The following ASAP3 variants were observed in gnomAD, a reference collection of about 807,000 sequenced individuals.
The protein encoded by ASAP3 is arf-GAP with SH3 domain, ANK repeat and PH domain-containing protein 3.
In ASAP3, 85 loss-of-function variants were observed where a neutral mutation model predicts 118.2. The ratio of observed to expected loss-of-function variants is 0.72; its 90% confidence interval spans 0.60 to 0.86. The LOEUF (loss-of-function observed/expected upper bound fraction) is 0.86. ASAP3 is among the 40% of genes least tolerant of loss of function. The probability of loss-of-function intolerance (pLI) is 0.00; values close to 1 mark genes in which losing one functional copy is unlikely to be tolerated. For synonymous variants in ASAP3, 432 were observed against 477.4 expected, an observed-to-expected ratio of 0.90 and a Z score of 1.24; for missense variants, 1,026 against 1,175.0, an observed-to-expected ratio of 0.87 and a Z score of 1.85.
At chr1:23,464,179 CAA>C (rs538178084) in intron 1 of ASAP3, among the ~76,000 whole-genome samples, 5,404 of 139,834 alleles carry the variant, frequency 0.039, 135 homozygotes, top group Middle Eastern at 0.15. Context: ...CGATCTATAC[CAA>C]AAAAAAAAAA....
intron 1 of ASAP3, among the ~76,000 whole-genome samples, chr1:23,463,522 A>T (rs112803004): frequency 0.024 from 3,593 of 152,340 alleles, 57 homozygotes; most frequent in Non-Finnish European, 0.032. Context: ...TAGCCCCAGC[A>T]TCTCCAAAAT....
intron 5 of ASAP3, among the ~76,000 whole-genome samples, chr1:23,447,934 A>C (rs1363627799): frequency 6.6e-6 from 1 of 152,184 alleles, no homozygotes; most frequent in Non-Finnish European, 1.5e-5. Context: ...TTTTCCCTAC[A>C]AAGTCTGACA....
intron 1 of ASAP3, among the ~76,000 whole-genome samples, chr1:23,473,810 G>A (rs561520167): frequency 6.6e-6 from 1 of 151,988 alleles, no homozygotes; most frequent in East Asian, 1.9e-4. Context: ...GAGGAGGCTG[G>A]TTCAGTGGAG....
At chr1:23,475,849 C>G (rs939148123) in intron 1 of ASAP3, among the ~76,000 whole-genome samples, 3 of 152,134 alleles carry the variant, frequency 2.0e-5, no homozygotes, top group African/African-American at 7.2e-5. Flanking sequence ...TGGCATGTGC[C>G]TGTGGAAGCA....
chr1:23,474,279 A>G (rs1469167189), intron 1 of ASAP3, among the ~76,000 whole-genome samples: 4 of 152,140 alleles, frequency 2.6e-5, no homozygotes, highest in East Asian at 1.9e-4. Flanking sequence ...AAGGTTCCCA[A>G]TGACCTCCGT....
chr1:23,466,358 G>C (rs547291627), intron 1 of ASAP3, among the ~76,000 whole-genome samples: 1 of 152,344 alleles, frequency 6.6e-6, no homozygotes, highest in South Asian at 2.1e-4. Context: ...GCAAGAGCCT[G>C]GCAGGCACTG....
intron 1 of ASAP3, among the ~76,000 whole-genome samples, chr1:23,474,124 T>C (rs1454973751): frequency 6.6e-6 from 1 of 151,686 alleles, no homozygotes; most frequent in Non-Finnish European, 1.5e-5. Flanking sequence ...CCTGCCACCA[T>C]GGCTGGCTAA....
At position 23,437,574 on chromosome 1, in the gene ASAP3, T is replaced by G; in HGVS notation, c.1103-102A>C. 1 of 1,412,120 alleles carries G rather than the reference T, an allele frequency of 7.1e-7. No individual in the cohort carries two copies. 87.5% of individuals were successfully genotyped at this position (1,412,120 alleles called of 1,614,324 possible). A position where few individuals can be genotyped will look rare whatever the true frequency, so the allele number is the denominator to read the frequency against. Reference sequence around the variant, plus strand: ...GCCGCTGGGGCCACATGGAGATGTGTCCCTGACAAGTCGGACTCTCAAGCT... The same window carrying G: ...GCCGCTGGGGCCACATGGAGATGTGGCCCTGACAAGTCGGACTCTCAAGCT... On this transcript the variant is annotated intron_variant, in intron 12 of 24. Transcript: ENST00000336689. The surrounding 1 kb of genome is among the most constrained non-coding windows in gnomAD (Gnocchi z 6.1).
intron 1 of ASAP3, 23 bp downstream of exon 1, chr1:23,483,982 C>A: frequency 7.9e-7 from 1 of 1,272,816 alleles, no homozygotes; most frequent in Non-Finnish European, 9.9e-7. Context: ...GACCCCCGAC[C>A]CCTCCCGCCT....
chr1:23,465,063 C>A (rs1308051221), intron 1 of ASAP3, among the ~76,000 whole-genome samples: 1 of 152,270 alleles, frequency 6.6e-6, no homozygotes, highest in South Asian at 2.1e-4. Flanking sequence ...GATAATATTG[C>A]GTACCACATA....
chr1:23,473,080 C>T (rs1176533273), intron 1 of ASAP3, among the ~76,000 whole-genome samples: 4 of 152,124 alleles, frequency 2.6e-5, no homozygotes, highest in Non-Finnish European at 5.9e-5. Flanking sequence ...TAGTTCTCTC[C>T]GTGCCCTCAG....
At chr1:23,465,916 C>T (rs1324526721) in intron 1 of ASAP3, among the ~76,000 whole-genome samples, 1 of 152,196 alleles carries the variant, frequency 6.6e-6, no homozygotes, top group Non-Finnish European at 1.5e-5. Flanking sequence ...GGGACTGGAT[C>T]TGCCTCCAAA....
intron 1 of ASAP3, among the ~76,000 whole-genome samples, chr1:23,474,340 G>C (rs1302012683): frequency 6.6e-6 from 1 of 151,892 alleles, no homozygotes; most frequent in Non-Finnish European, 1.5e-5. Context: ...TTTACCTCTG[G>C]GCATCTGGGC....
Position 23,436,842 on chromosome 1 carries a change from C to T in ASAP3, c.1476+69G>A. 6.4e-7 allele frequency: 1 copy of T among 1,572,594 alleles called. No individual in the cohort carries two copies. The highest frequency in any genetic ancestry group is 8.6e-7 in the Non-Finnish European group (1 of 1,158,744). ...CAGGTCCCACCCACAACCTGCAAGC[C>T]CCGCCCCCGGATGAAACTACACCCC... is the stretch of plus-strand genomic sequence containing the variant. On this transcript the variant is annotated intron_variant, in intron 15 of 24. Transcript: ENST00000336689. The surrounding 1 kb of genome is among the most constrained non-coding windows in gnomAD (Gnocchi z 4.2).
At chr1:23,446,117 G>A (rs1641039729) in intron 5 of ASAP3, among the ~76,000 whole-genome samples, 2 of 152,156 alleles carry the variant, frequency 1.3e-5, no homozygotes, top group South Asian at 2.1e-4. Flanking sequence ...GGGGGTCCTG[G>A]AACCAATCCC....
intron 18 of ASAP3, 70 bp downstream of exon 18, chr1:23,434,463 A>C (rs1640561408): frequency 1.2e-6 from 2 of 1,602,194 alleles, no homozygotes; most frequent in Admixed American, 3.3e-5. Context: ...AGGAGGGAAG[A>C]GAATGGGAGA....
intron 17 of ASAP3, chr1:23,435,629 A>T (rs759972245): frequency 1.7e-6 from 1 of 601,770 alleles, no homozygotes; most frequent in Admixed American, 2.9e-5. Flanking sequence ...AGACTCAGAG[A>T]AGTAACCTGC....
intron 6 of ASAP3, 48 bp downstream of exon 6, chr1:23,442,453 G>A: frequency 1.2e-6 from 2 of 1,602,746 alleles, no homozygotes; most frequent in Non-Finnish European, 1.7e-6. Flanking sequence ...GAGGCAGACA[G>A]GAAGACACAT....
chr1:23,456,324 C>A, intron 1 of ASAP3, 130 bp from the exon 2 acceptor site: 1 of 840,940 alleles, frequency 1.2e-6, no homozygotes, highest in Non-Finnish European at 1.9e-6. Context: ...TTGCTGTCCT[C>A]TGGAACTTAT....
Sources: gnomAD v4.1 joint callset for allele counts (sites outside exome capture counted in the v4.1 genomes callset) on GRCh38, gnomAD v4.1.1 for gene constraint, Gnocchi (gnomAD v3.1) non-coding constraint, MANE v1.5 for transcripts, NCBI Gene and HGNC (gene_info 2026-07-23, HGNC 2026-07-21) for gene names.